The following PRPF6 variants were observed in gnomAD, a reference collection of about 807,000 sequenced individuals.
PRPF6 encodes the protein pre-mRNA processing factor 6.
PRPF6 carries 42 observed loss-of-function variants against 118.3 expected under a neutral mutation model. The ratio of observed to expected loss-of-function variants is 0.35; its 90% CI spans 0.28 to 0.46. The LOEUF is 0.46. Among genes scored for constraint, PRPF6 ranks in the 20% least tolerant of loss-of-function variants. The pLI is 1.00. For missense variants in PRPF6, 662 were observed against 1,255.7 expected, an observed-to-expected ratio of 0.53 and a Z score of 7.15; for synonymous variants, 481 against 485.1, an observed-to-expected ratio of 0.99 and a Z score of 0.11.
Position 64,029,548 on chromosome 20 carries a change from CAG to C in PRPF6, c.2546+60_2546+61del. The C allele has an allele frequency of 4.3e-6, 6 of 1,411,732 alleles. No individual in the cohort carries two copies. Among genetic ancestry groups the C allele is most frequent in the Non-Finnish European group, 5.0e-6 (5 of 998,214 alleles). 87.5% of individuals were successfully genotyped at this position (1,411,732 alleles called of 1,614,324 possible). A position where few individuals can be genotyped will look rare whatever the true frequency, so the allele number is the denominator to read the frequency against. Reference sequence around the variant, plus strand: ...TCGGGGTCCTAATGGGCTCTTTTTCCAGAGTCTGTCTGCCTCTTCCTGGTCAT... The same window carrying C: ...TCGGGGTCCTAATGGGCTCTTTTTCCAGTCTGTCTGCCTCTTCCTGGTCAT... On this transcript the variant is annotated intron_variant, in intron 19 of 20. Coordinates refer to ENST00000266079, the MANE Select transcript of PRPF6 (RefSeq NM_012469.4). The surrounding 1 kb of genome is among the most constrained non-coding windows in gnomAD (Gnocchi z 4.8).
At position 64,028,435 on chromosome 20, in the gene PRPF6, G is replaced by A. The variant is rs200184771; in HGVS notation, c.2340-43G>A. On this transcript the variant is annotated intron_variant, in intron 17 of 20. Transcript: ENST00000266079. The surrounding 1 kb of genome is among the most constrained non-coding windows in gnomAD (Gnocchi z 6.5). ...CCCAGAAGCTACCAGAATATGTGCT[G>A]TTGGTAGACGGCTGTGGGACCTCCG... is the stretch of plus-strand genomic sequence containing the variant. The A allele has an allele frequency of 3.8e-4, 614 of 1,599,182 alleles. 3 individuals carry two copies. In the South Asian group the frequency reaches 4.6e-3, roughly 12 times the overall value.
Position 64,016,805 on chromosome 20 carries a change from A to C in PRPF6, c.1607A>C (p.Glu536Ala). 1 of 1,614,156 alleles carries C rather than the reference A, an allele frequency of 6.2e-7. No individual in the cohort carries two copies. Among genetic ancestry groups the C allele is most frequent in the Non-Finnish European group, 8.5e-7 (1 of 1,180,034 alleles). The stretch of plus-strand genomic sequence containing the variant: ...GCCGTGATTGGGATTGGGATTGAGG[A>C]GGAAGATCGGAAGCATACCTGGATG... ...MRAVIGIGIE[E>A]EDRKHTWMED... Residue 536 changes from glutamate (E) to alanine (A), a missense_variant, in exon 12 of 21, where the codon GAG becomes GCG. This residue lies in a region of PRPF6 where 189 missense variants were observed against 323.5 expected (regional missense o/e 0.58). Coordinates refer to ENST00000266079, the MANE Select transcript of PRPF6 (RefSeq NM_012469.4).
chr20:64,009,017 G>C (rs2059202591), intron 9 of PRPF6, among the ~76,000 whole-genome samples: 1 of 152,128 alleles, frequency 6.6e-6, no homozygotes, highest in East Asian at 1.9e-4. Flanking sequence ...GGGCGTGGTG[G>C]CTCATGCCTG....
At position 64,026,917 on chromosome 20, in the gene PRPF6, A is replaced by C; in HGVS notation, c.2029-65A>C. The C allele has an allele frequency of 6.4e-7, 1 of 1,554,186 alleles. No homozygotes were observed. Among genetic ancestry groups the C allele is most frequent in the Non-Finnish European group, 8.9e-7 (1 of 1,126,746 alleles). On this transcript the variant is annotated intron_variant, in intron 15 of 20. Coordinates refer to ENST00000266079, the MANE Select transcript of PRPF6 (RefSeq NM_012469.4). The surrounding 1 kb of genome is among the most constrained non-coding windows in gnomAD (Gnocchi z 4.4). ...ACTGCAGGTAACAGTGTTGAGGATG[A>C]GTGTACCATGAAGCACGTACCCTGG...
intron 9 of PRPF6, among the ~76,000 whole-genome samples, chr20:64,004,261 GCT>G (rs1312117114): frequency 6.6e-6 from 1 of 152,222 alleles, no homozygotes; most frequent in Non-Finnish European, 1.5e-5. Flanking sequence ...TCCTGGCTGT[GCT>G]CTCTCAGGCA....
chr20:64,011,645 C>A lies in PRPF6; in HGVS notation c.1524+142C>A. On this transcript the variant is annotated intron_variant, in intron 11 of 20. Coordinates refer to ENST00000266079, the MANE Select transcript of PRPF6 (RefSeq NM_012469.4). This position sits in a 1 kb window ranked among gnomAD's most constrained non-coding sequence, Gnocchi z 6.7. Reference sequence around the variant, plus strand: ...AAGCAGGCACAGGTGTGAATGGGCCCTGAGGGACCTGGGCATGCCCACTGT... The same window carrying A: ...AAGCAGGCACAGGTGTGAATGGGCCATGAGGGACCTGGGCATGCCCACTGT... 1 of 950,618 alleles carries A rather than the reference C, an allele frequency of 1.1e-6. No homozygotes were observed. Among genetic ancestry groups the A allele is most frequent in the Non-Finnish European group, 1.6e-6 (1 of 617,936 alleles). 58.9% of individuals were successfully genotyped at this position (950,618 alleles called of 1,614,324 possible).
At chr20:64,031,036 C>T (rs575961458) in intron 19 of PRPF6, among the ~76,000 whole-genome samples, 1 of 152,378 alleles carries the variant, frequency 6.6e-6, no homozygotes, top group African/African-American at 2.4e-5. Flanking sequence ...GTGCCATGCA[C>T]ACCCTTACCT....
chr20:63,986,845 T>C (rs1315769520), intron 3 of PRPF6, among the ~76,000 whole-genome samples: 1 of 149,908 alleles, frequency 6.7e-6, no homozygotes, highest in Non-Finnish European at 1.5e-5. Context: ...TCCTTGATGA[T>C]AAAAACTCTC....
chr20:64,014,812 AACTC>A (rs1223036420), intron 11 of PRPF6, among the ~76,000 whole-genome samples: 3 of 152,226 alleles, frequency 2.0e-5, no homozygotes, highest in Non-Finnish European at 4.4e-5. Flanking sequence ...AGTGTTGAAT[AACTC>A]ACGTAATTTA....
Position 64,010,204 on chromosome 20 carries a change from C to A in PRPF6, c.1191C>A (p.Leu397=). Residue 397 remains leucine (L), a synonymous_variant, in exon 10 of 21, where the codon CTC becomes CTA. Transcript: ENST00000266079. ...TTCTCGTTTGACCTTTCCTAGCCCT[C>A]GAGCATGTTCCAAACTCGGTTCGCT... The part of the protein sequence containing the change: ...RAKKRVLRKA[L]EHVPNSVRLW... The A allele has an allele frequency of 6.2e-7, 1 of 1,613,878 alleles. No individual in the cohort carries two copies. Among genetic ancestry groups the A allele is most frequent in the Non-Finnish European group, 8.5e-7 (1 of 1,179,784 alleles).
chr20:63,989,742 T>A (rs2059110363), intron 3 of PRPF6, among the ~76,000 whole-genome samples: 1 of 152,012 alleles, frequency 6.6e-6, no homozygotes, highest in African/African-American at 2.4e-5. Flanking sequence ...CTCAAACTCC[T>A]GGCCTTGTGC....
intron 13 of PRPF6, among the ~76,000 whole-genome samples, chr20:64,023,854 G>A (rs978680319): frequency 1.3e-5 from 2 of 152,226 alleles, no homozygotes; most frequent in African/African-American, 2.4e-5. Context: ...AGTGCCCTCC[G>A]ACTTCCCTGC....
chr20:64,018,766 C>T (rs1373680909), intron 12 of PRPF6, among the ~76,000 whole-genome samples: 1 of 152,064 alleles, frequency 6.6e-6, no homozygotes, highest in African/African-American at 2.4e-5. Context: ...CTGGTCACAC[C>T]TGCATAATGA....
At chr20:64,016,114 ACTCT>A (rs529857653) in intron 11 of PRPF6, among the ~76,000 whole-genome samples, 2 of 144,098 alleles carry the variant, frequency 1.4e-5, no homozygotes, top group East Asian at 2.0e-4. Flanking sequence ...AGAGACCTTG[ACTCT>A]CTCTCTTTTT....
intron 9 of PRPF6, among the ~76,000 whole-genome samples, chr20:64,003,333 T>G (rs546667466): frequency 6.6e-6 from 1 of 152,308 alleles, no homozygotes; most frequent in African/African-American, 2.4e-5. Context: ...CTCTTGTTTT[T>G]CCAAATGTCT....
intron 20 of PRPF6, among the ~76,000 whole-genome samples, 181 bp downstream of exon 20, chr20:64,032,225 C>G (rs921338878): frequency 6.6e-6 from 1 of 152,218 alleles, no homozygotes; most frequent in Non-Finnish European, 1.5e-5. Flanking sequence ...GTCTCTGCCT[C>G]CACATCCGTT....
chr20:63,984,858 A>G (rs1221745045), intron 2 of PRPF6, 49 bp from the exon 3 acceptor site: 20 of 1,290,268 alleles, frequency 1.6e-5, no homozygotes, highest in Non-Finnish European at 2.2e-5. Context: ...GCTGGTGGGG[A>G]TGGTGTTGAA....
chr20:64,031,006 T>C (rs2059311629), intron 19 of PRPF6, among the ~76,000 whole-genome samples: 2 of 152,330 alleles, frequency 1.3e-5, no homozygotes, highest in South Asian at 2.1e-4. Flanking sequence ...CCGCCATCCC[T>C]TCTCCAGCAG....
rs919476598 is a variant in PRPF6, at chr20:64,031,969, C to A, written c.2598C>A (p.Arg866=). ...CCAAGGCCAGGGAGTGGTTCCACCG[C>A]ACTGTGAAGATTGACTCGGACCTGG... is the stretch of plus-strand genomic sequence containing the variant. ...KITKAREWFH[R]TVKIDSDLGD... is the part of the protein sequence containing the mutation. Residue 866 remains arginine (R), a synonymous_variant, in exon 20 of 21, where the codon CGC becomes CGA. Coordinates refer to ENST00000266079, the MANE Select transcript of PRPF6 (RefSeq NM_012469.4). 3 of 1,614,166 alleles carry A rather than the reference C, an allele frequency of 1.9e-6. No individual in the cohort carries two copies. Among genetic ancestry groups the A allele is most frequent in the Non-Finnish European group, 8.5e-7 (1 of 1,180,032 alleles).
Sources: allele counts gnomAD v4.1 joint callset (sites outside exome capture counted in the v4.1 genomes callset), GRCh38; gene constraint gnomAD v4.1.1; regional missense constraint gnomAD v4.1.1; non-coding constraint Gnocchi (gnomAD v3.1); transcripts MANE v1.5; gene names NCBI Gene and HGNC (gene_info 2026-07-23, HGNC 2026-07-21).